The following GMNN variants were observed in gnomAD, a reference collection of about 807,000 sequenced individuals.
GMNN encodes the protein geminin.
In GMNN, 14 loss-of-function variants were observed where a neutral mutation model predicts 20.9. The observed-to-expected ratio is 0.67, with a 90% CI of 0.44 to 1.05. GMNN has a LOEUF of 1.05. GMNN is among the 50% of genes least tolerant of loss of function. The pLI is 0.00. For missense variants in GMNN, 227 were observed against 243.8 expected (o/e 0.93, Z 0.46); for synonymous variants, 81 against 85.8 (o/e 0.94, Z 0.31).
chr6:24,780,643 G>T lies in GMNN; in HGVS notation c.52-20G>T, dbSNP rs1354844107. On this transcript the variant is annotated intron_variant, in intron 2 of 6. Transcript: ENST00000230056. ...TATTGCAACTCAGTAACAAGATAAT[G>T]AATTATGCTGACTTTTTAGAATAGT... 2 of 1,411,014 alleles carry T rather than the reference G, an allele frequency of 1.4e-6. No homozygotes were observed. Among genetic ancestry groups the T allele is most frequent in the East Asian group, 2.3e-5 (1 of 43,492 alleles). 87.4% of individuals were successfully genotyped at this position (1,411,014 alleles called of 1,614,324 possible).
At chr6:24,781,175 G>A (rs774866486) in intron 3 of GMNN, among the ~76,000 whole-genome samples, 1 of 152,090 alleles carries the variant, frequency 6.6e-6, no homozygotes, top group East Asian at 1.9e-4. Flanking sequence ...CTGCACTCCA[G>A]CTTGGGTGAC....
intron 3 of GMNN, 108 bp downstream of exon 3, chr6:24,780,848 TAATTTGGGAATCACAATTATA>T: frequency 1.5e-6 from 1 of 655,312 alleles, no homozygotes; most frequent in East Asian, 2.7e-5. Context: ...AATTTGGAAA[TAATTTGGGAATCACAATTATA>T]TATTTCCCAA....
intron 2 of GMNN, 47 bp from the exon 3 acceptor site, chr6:24,780,616 C>T (rs1562192253): frequency 9.7e-7 from 1 of 1,033,148 alleles, no homozygotes. Flanking sequence ...ACTAAATAAC[C>T]ATATTGCAAC....
chr6:24,779,960 T>TA (rs1780161400), intron 2 of GMNN, among the ~76,000 whole-genome samples: 1 of 152,220 alleles, frequency 6.6e-6, no homozygotes, highest in Non-Finnish European at 1.5e-5. Flanking sequence ...GGATGTCTAT[T>TA]ACACATGTAC....
chr6:24,785,696 C>T lies in GMNN; in HGVS notation c.527C>T (p.Ser176Phe). The T allele has an allele frequency of 6.4e-7, 1 of 1,560,756 alleles. No individual in the cohort carries two copies. ...FESLDNQEFD[S>F]EEETVEDSLV... Reference sequence around the variant, plus strand: ...TCACTGGATAATCAGGAATTTGATTCTGAAGAAGAAACTGTTGAGGATTCT... The same window carrying T: ...TCACTGGATAATCAGGAATTTGATTTTGAAGAAGAAACTGTTGAGGATTCT... The change falls in exon 7 of 7, where the codon TCT becomes TTT. Residue 176 changes from serine to phenylalanine, a missense_variant. Transcript: ENST00000230056.
chr6:24,781,394 T>G, intron 3 of GMNN, 83 bp from the exon 4 acceptor site: 1 of 887,604 alleles, frequency 1.1e-6, no homozygotes, highest in South Asian at 1.7e-5. Context: ...GCGTACTCTT[T>G]TTTTAATACA....
intron 3 of GMNN, among the ~76,000 whole-genome samples, chr6:24,781,128 T>C (rs1780203525): frequency 6.6e-6 from 1 of 152,044 alleles, no homozygotes; most frequent in South Asian, 2.1e-4. Flanking sequence ...CACTTAAACC[T>C]GGGAGGTGGA....
intron 6 of GMNN, among the ~76,000 whole-genome samples, chr6:24,784,990 C>T (rs994069649): frequency 6.6e-6 from 1 of 152,086 alleles, no homozygotes; most frequent in African/African-American, 2.4e-5. Flanking sequence ...TTAATACCAG[C>T]TTGACATTAC....
chr6:24,784,279 A>G, intron 5 of GMNN, 110 bp downstream of exon 5: 1 of 716,396 alleles, frequency 1.4e-6, no homozygotes, highest in Non-Finnish European at 2.5e-6. Context: ...GCTTAAGAAA[A>G]GTTTAAGTAA....
chr6:24,785,435 A>T (rs1780327180), intron 6 of GMNN, among the ~76,000 whole-genome samples: 1 of 152,176 alleles, frequency 6.6e-6, no homozygotes, highest in Non-Finnish European at 1.5e-5. Context: ...AAGACAAATT[A>T]TTAAACACTT....
At chr6:24,784,891 T>C (rs1780308969) in intron 6 of GMNN, among the ~76,000 whole-genome samples, 1 of 152,114 alleles carries the variant, frequency 6.6e-6, no homozygotes, top group Non-Finnish European at 1.5e-5. Flanking sequence ...AAGACCATAT[T>C]TTTTGGTAGA....
intron 1 of GMNN, among the ~76,000 whole-genome samples, chr6:24,776,407 T>G (rs1581424426): frequency 6.6e-6 from 1 of 152,132 alleles, no homozygotes; most frequent in African/African-American, 2.4e-5. Context: ...CCTCCCAAAG[T>G]GCTGGGATTA....
intron 2 of GMNN, among the ~76,000 whole-genome samples, chr6:24,778,063 T>G (rs181352152): frequency 1.1e-4 from 16 of 152,340 alleles, no homozygotes; most frequent in Admixed American, 9.2e-4. Context: ...TTTGTTTAGT[T>G]TTGAGTTTAT....
intron 4 of GMNN, among the ~76,000 whole-genome samples, chr6:24,782,300 GAGA>G (rs1780241393): frequency 6.6e-6 from 1 of 152,168 alleles, no homozygotes; most frequent in Admixed American, 6.5e-5. Context: ...AAAGATGAAT[GAGA>G]AGAATTATGC....
chr6:24,779,267 T>C (rs1275255868), intron 2 of GMNN, among the ~76,000 whole-genome samples: 1 of 152,218 alleles, frequency 6.6e-6, no homozygotes, highest in South Asian at 2.1e-4. Flanking sequence ...CAATGCATAC[T>C]CTATATACAG....
chr6:24,784,039 G>C (rs1243840089), intron 4 of GMNN, 48 bp from the exon 5 acceptor site: 2 of 850,370 alleles, frequency 2.4e-6, no homozygotes, highest in African/African-American at 1.7e-5. Flanking sequence ...AAATTACTGG[G>C]TTTTGACAGT....
chr6:24,775,989 G>T (rs892276280), intron 1 of GMNN, among the ~76,000 whole-genome samples: 1 of 152,194 alleles, frequency 6.6e-6, no homozygotes, highest in Non-Finnish European at 1.5e-5. Context: ...CCCGCAGTTT[G>T]AAGAACATTG....
In GMNN at chr6:24,781,538, G is replaced by T; in HGVS notation, c.191G>T (p.Ser64Ile). The T allele has an allele frequency of 6.3e-7, 1 of 1,583,566 alleles. No homozygotes were observed. Among genetic ancestry groups the T allele is most frequent in the Non-Finnish European group, 8.6e-7 (1 of 1,158,004 alleles). Residue 64 changes from serine to isoleucine, a missense_variant, in exon 4 of 7, where the codon AGC becomes ATC. Transcript: ENST00000230056. ...GACCACTTAACATCTACAACTTCCA[G>T]CCCTGGGGTTATTGTCCCAGAATCT... is the stretch of plus-strand genomic sequence containing the variant. Reference protein sequence around the residue: ...RNDHLTSTTSSPGVIVPESSE... With the variant: ...RNDHLTSTTSIPGVIVPESSE...
At chr6:24,775,737 CAAGT>C (rs538128573) in intron 1 of GMNN, 241 of 152,296 alleles carry the variant, frequency 1.6e-3, no homozygotes, top group African/African-American at 5.4e-3. Flanking sequence ...TGGAGAATAA[CAAGT>C]AAGGGTTGCA....
Sources: allele counts gnomAD v4.1 joint callset (sites outside exome capture counted in the v4.1 genomes callset), GRCh38; gene constraint gnomAD v4.1.1; transcripts MANE v1.5; gene names NCBI Gene and HGNC (gene_info 2026-07-23, HGNC 2026-07-21).